Variants in DCDC2C observed in about 807,000 individuals in gnomAD.
DCDC2C encodes the protein doublecortin domain-containing protein 2C.
DCDC2C carries 44 observed loss-of-function variants against 45.0 expected under a neutral mutation model. That is an observed-to-expected ratio of 0.98 (90% confidence interval 0.77 to 1.26). The LOEUF (loss-of-function observed/expected upper bound fraction) is 1.26, where lower values mean the gene tolerates loss of function less well. Ranked by LOEUF, DCDC2C falls within the 50% of genes most tolerant of loss-of-function variation. The pLI, the probability that DCDC2C is intolerant of heterozygous loss-of-function variation, is 0.00. For synonymous variants in DCDC2C, 187 were observed against 178.8 expected, an observed-to-expected ratio of 1.05 and a Z score of -0.37; for missense variants, 447 against 468.9, an observed-to-expected ratio of 0.95 and a Z score of 0.43.
chr2:3,736,442 G>A (rs760810717), intron 3 of DCDC2C, among the ~76,000 whole-genome samples: 1 of 152,174 alleles, frequency 6.6e-6, no homozygotes, highest in Non-Finnish European at 1.5e-5. Flanking sequence ...AGTGAGAAGC[G>A]TGGTGGAGTC....
At chr2:3,784,920 A>G (rs1572615533) in intron 9 of DCDC2C, 139 bp from the exon 10 acceptor site, 2 of 502,376 alleles carry the variant, frequency 4.0e-6, no homozygotes, top group South Asian at 1.1e-4. Flanking sequence ...TTGAGGCTTT[A>G]CGCCAAGCTC....
intron 2 of DCDC2C, among the ~76,000 whole-genome samples, chr2:3,713,212 C>T (rs1304765870): frequency 2.6e-5 from 4 of 152,162 alleles, no homozygotes; most frequent in Admixed American, 1.3e-4. Context: ...AAGACGTCAT[C>T]GTAGGAATTT....
intron 1 of DCDC2C, among the ~76,000 whole-genome samples, chr2:3,707,545 A>T (rs1668096916): frequency 6.6e-6 from 1 of 152,362 alleles, no homozygotes; most frequent in East Asian, 1.9e-4. Flanking sequence ...TGGCTGCAAC[A>T]TTTTATAATT....
intron 3 of DCDC2C, among the ~76,000 whole-genome samples, chr2:3,739,834 A>G (rs1669150969): frequency 6.6e-6 from 1 of 152,250 alleles, no homozygotes; most frequent in Admixed American, 6.5e-5. Flanking sequence ...ACAGACGGCT[A>G]AACTCAAAGA....
At chr2:3,801,994 C>T (rs1671127095) in intron 10 of DCDC2C, among the ~76,000 whole-genome samples, 1 of 152,180 alleles carries the variant, frequency 6.6e-6, no homozygotes, top group African/African-American at 2.4e-5. Flanking sequence ...AGTGTCCCAT[C>T]AATGTCATGT....
intron 2 of DCDC2C, among the ~76,000 whole-genome samples, chr2:3,721,147 T>G (rs977567727): frequency 3.3e-5 from 5 of 152,204 alleles, no homozygotes; most frequent in African/African-American, 1.2e-4. Context: ...TATATGTCCC[T>G]CTACAGGTTT....
chr2:3,731,150 C>T (rs1282453582), intron 3 of DCDC2C, among the ~76,000 whole-genome samples: 1 of 152,138 alleles, frequency 6.6e-6, no homozygotes, highest in East Asian at 1.9e-4. Flanking sequence ...CCCTTTGTAA[C>T]CTTATAGTGT....
In DCDC2C at chr2:3,769,424, G is replaced by A. The variant is rs1332593891; in HGVS notation, c.954+13G>A. Reference sequence around the variant, plus strand: ...GCCTGTGGACCAGGTGGGTGTCCGGGGTCCGATGTCCATGCCGTCTTCACT... The same window carrying A: ...GCCTGTGGACCAGGTGGGTGTCCGGAGTCCGATGTCCATGCCGTCTTCACT... On this transcript the variant is annotated intron_variant, in intron 8 of 10. Coordinates refer to ENST00000399143, the MANE Select transcript of DCDC2C (RefSeq NM_001287444.2). 6.5e-7 allele frequency: 1 copy of A among 1,549,050 alleles called. No individual in the cohort carries two copies. Among genetic ancestry groups the A allele is most frequent in the African/African-American group, 1.4e-5 (1 of 73,130 alleles).
chr2:3,742,325 C>T (rs1374049605), intron 4 of DCDC2C, among the ~76,000 whole-genome samples: 2 of 152,202 alleles, frequency 1.3e-5, no homozygotes, highest in Non-Finnish European at 2.9e-5. Context: ...CCTGAAACCC[C>T]TATTGAGTGG....
chr2:3,730,966 C>G (rs1184897200), intron 3 of DCDC2C, among the ~76,000 whole-genome samples: 1 of 152,186 alleles, frequency 6.6e-6, no homozygotes, highest in Non-Finnish European at 1.5e-5. Flanking sequence ...ACAGGTGGCA[C>G]TGAGGACTGA....
chr2:3,745,268 G>A (rs1167904168), intron 4 of DCDC2C, among the ~76,000 whole-genome samples: 2 of 152,198 alleles, frequency 1.3e-5, no homozygotes, highest in Non-Finnish European at 2.9e-5. Context: ...TTATGGGCAT[G>A]AGCCACTGCA....
At chr2:3,841,424 ATT>A (rs1273723633) in intron 10 of DCDC2C, among the ~76,000 whole-genome samples, 2 of 149,334 alleles carry the variant, frequency 1.3e-5, no homozygotes, top group Non-Finnish European at 3.0e-5. Context: ...TACATAATAT[ATT>A]AATATTCATA....
At chr2:3,759,068 T>C (rs569002935) in intron 6 of DCDC2C, among the ~76,000 whole-genome samples, 1 of 152,300 alleles carries the variant, frequency 6.6e-6, no homozygotes, top group Non-Finnish European at 1.5e-5. Context: ...CCTTCGACTC[T>C]GCAGGGCTGA....
intron 4 of DCDC2C, among the ~76,000 whole-genome samples, chr2:3,746,143 A>G (rs1476950236): frequency 6.6e-6 from 1 of 152,200 alleles, no homozygotes; most frequent in East Asian, 1.9e-4. Flanking sequence ...CCTCAGCCCC[A>G]CTGCAGCCCA....
At chr2:3,731,224 C>T (rs1217891887) in intron 3 of DCDC2C, among the ~76,000 whole-genome samples, 1 of 152,192 alleles carries the variant, frequency 6.6e-6, no homozygotes, top group Non-Finnish European at 1.5e-5. Flanking sequence ...TGGCTCCAGG[C>T]AGCAGGTCCT....
rs1309533891 is a variant in DCDC2C at position 3,738,743 on chromosome 2, G to T, written c.417-3177G>T. ...TTCTTGTAACCACCCAATTTATCTTGTATATGGTTTTTTATCAGCATATAT... is the reference window on the plus strand; with the variant it reads ...TTCTTGTAACCACCCAATTTATCTTTTATATGGTTTTTTATCAGCATATAT... On this transcript the variant is annotated intron_variant, in intron 3 of 10. Coordinates refer to ENST00000399143, the MANE Select transcript of DCDC2C (RefSeq NM_001287444.2). Among the ~76,000 whole-genome samples, 4 of 151,964 alleles carry T rather than the reference G, an allele frequency of 2.6e-5. No individual in the cohort carries two copies. The East Asian group carries it at 7.7e-4, about 29-fold the overall frequency.
chr2:3,803,730 G>A (rs1671166975), intron 10 of DCDC2C, among the ~76,000 whole-genome samples: 1 of 152,168 alleles, frequency 6.6e-6, no homozygotes, highest in Non-Finnish European at 1.5e-5. Context: ...CCTGAGCCTG[G>A]TATTCAGTGC....
At chr2:3,769,107 C>G (rs978730396) in intron 7 of DCDC2C, 7 of 531,990 alleles carry the variant, frequency 1.3e-5, no homozygotes, top group South Asian at 2.4e-5. Flanking sequence ...TCGAGGCCAC[C>G]ACGCTGAGCA....
intron 10 of DCDC2C, among the ~76,000 whole-genome samples, chr2:3,816,361 G>GT (rs1458187580): frequency 1.3e-5 from 2 of 152,138 alleles, no homozygotes; most frequent in Non-Finnish European, 2.9e-5. Context: ...CTATCCTTGA[G>GT]TTTTTTTATG....
Sources: allele counts gnomAD v4.1 joint callset (sites outside exome capture counted in the v4.1 genomes callset), GRCh38; gene constraint gnomAD v4.1.1; transcripts MANE v1.5; gene names NCBI Gene and HGNC (gene_info 2026-07-23, HGNC 2026-07-21).